Variants in ZFYVE26 observed in about 807,000 individuals in gnomAD.
The protein encoded by ZFYVE26 is zinc finger FYVE-type containing 26, also known as zinc finger FYVE domain-containing protein 26.
ZFYVE26 carries 181 observed loss-of-function variants against 276.5 expected under a neutral mutation model. The observed-to-expected ratio is 0.65, with a 90% CI of 0.58 to 0.74. ZFYVE26 has a LOEUF of 0.74. Among genes scored for constraint, ZFYVE26 ranks in the 30% least tolerant of loss-of-function variants. The pLI is 0.00. For synonymous variants in ZFYVE26, 1,129 were observed against 1,203.1 expected, an observed-to-expected ratio of 0.94 and a Z score of 1.27; for missense variants, 2,821 against 3,097.9, an observed-to-expected ratio of 0.91 and a Z score of 2.12.
intron 35 of ZFYVE26, among the ~76,000 whole-genome samples, chr14:67,758,542 G>A (rs2038846949): frequency 2.0e-5 from 3 of 152,184 alleles, no homozygotes; most frequent in Admixed American, 2.0e-4. Flanking sequence ...CAGTACCAGG[G>A]GCAATGGTGG....
At position 67,777,637 on chromosome 14, in the gene ZFYVE26, G is replaced by A. The variant is rs1289646974; in HGVS notation, c.4896C>T (p.Asn1632=). ...TSLATSHFLA[N]YLTTHFYGQL... ...GTCCATAGAAGTGGGTGGTGAGGTA[G>A]TTGGCCAAGAAGTGAGAAGTGGCCA... The change falls in exon 25 of 42, where the codon AAC becomes AAT. Residue 1632 remains asparagine (N), a synonymous_variant. Coordinates refer to ENST00000347230, the MANE Select transcript of ZFYVE26 (RefSeq NM_015346.4). 2 of 1,614,192 alleles carry A rather than the reference G, an allele frequency of 1.2e-6. No homozygotes were observed. The highest frequency in any genetic ancestry group is 4.5e-5 in the East Asian group (2 of 44,888).
In ZFYVE26 at chr14:67,768,537, T is replaced by C. The variant is rs2039119549; in HGVS notation, c.5633A>G (p.Glu1878Gly). Residue 1878 changes from glutamate (E) to glycine (G), a missense_variant, in exon 30 of 42, where the codon GAG (glutamate) becomes GGG (glycine). Coordinates refer to ENST00000347230, the MANE Select transcript of ZFYVE26 (RefSeq NM_015346.4). ...YSYCNKDVPEEPSEKPEALDS... is the reference protein window; with the variant it reads ...YSYCNKDVPEGPSEKPEALDS... ...CTTACCTTCTGGTTTTTCTGAAGGC[T>C]CCTCTGGTACACTGAAAACAGAGAA... 1 of 1,614,062 alleles carries C rather than the reference T, an allele frequency of 6.2e-7. No homozygotes were observed. The highest frequency in any genetic ancestry group is 1.3e-5 in the African/African-American group (1 of 74,940).
Position 67,805,658 on chromosome 14 carries a change from T to A in ZFYVE26, c.1018-40A>T, listed in dbSNP as rs758476482. The A allele has an allele frequency of 2.5e-6, 4 of 1,602,750 alleles. No individual in the cohort carries two copies. The Admixed American group carries it at 5.0e-5, about 20-fold the overall frequency. ...AAGCTGTTATAGGCAGCTATGTGGA[T>A]GAGACAGAATGGGTTCTAGCTTACT... On this transcript the variant is annotated intron_variant, in intron 6 of 41. Coordinates refer to ENST00000347230, the MANE Select transcript of ZFYVE26 (RefSeq NM_015346.4).
intron 34 of ZFYVE26, chr14:67,761,985 TTG>T (rs1476226782): frequency 3.4e-6 from 2 of 595,274 alleles, no homozygotes; most frequent in African/African-American, 3.7e-5. Context: ...TTTTTAAAAA[TTG>T]TCTCCTTTTT....
downstream of ZFYVE26, among the ~76,000 whole-genome samples, chr14:67,741,547 A>G (rs1594873403): frequency 2.0e-5 from 3 of 152,340 alleles, no homozygotes; most frequent in South Asian, 6.2e-4. Flanking sequence ...GGCCCTAACT[A>G]GCATCTACCA....
At chr14:67,803,523 G>T (rs561352413) in intron 9 of ZFYVE26, among the ~76,000 whole-genome samples, 175 of 151,296 alleles carry the variant, frequency 1.2e-3, no homozygotes, top group Non-Finnish European at 2.2e-3. Context: ...TTATATTTTT[G>T]GTAGAGACGG....
intron 12 of ZFYVE26, among the ~76,000 whole-genome samples, chr14:67,794,805 G>A (rs1196812051): frequency 5.9e-5 from 9 of 152,052 alleles, no homozygotes; most frequent in Admixed American, 5.9e-4. Flanking sequence ...CAAATTAGTT[G>A]GGCAAGGTGG....
intron 41 of ZFYVE26, among the ~76,000 whole-genome samples, chr14:67,749,388 A>G (rs919520240): frequency 6.6e-6 from 1 of 152,104 alleles, no homozygotes; most frequent in African/African-American, 2.4e-5. Context: ...GGATATGCGT[A>G]TGTGTCTATG....
intron 13 of ZFYVE26, among the ~76,000 whole-genome samples, chr14:67,731,211 T>C (rs57782998): frequency 2.3e-4 from 31 of 133,516 alleles, no homozygotes; most frequent in East Asian, 8.5e-4. Context: ...TTCTTTCTTT[T>C]TTTTTTTTTT....
chr14:67,799,335 G>C, intron 10 of ZFYVE26: 1 of 1,612,024 alleles, frequency 6.2e-7, no homozygotes, highest in Non-Finnish European at 8.5e-7. Context: ...ATTGACGCCA[G>C]AGCGGTGCAA....
intron 13 of ZFYVE26, among the ~76,000 whole-genome samples, chr14:67,731,484 G>A (rs2038274762): frequency 6.6e-6 from 1 of 151,674 alleles, no homozygotes; most frequent in African/African-American, 2.4e-5. Context: ...CAAAGTGCTG[G>A]GATTGCAGGC....
rs2039014719 is a variant in ZFYVE26, at chr14:67,764,731, G to A, written c.6011+1496C>T. ...GTCTGAATGCAGGATCAGAGAAAAG[G>A]CTGTTTAAATAGAAACCATTGCTGT... On this transcript the variant is annotated intron_variant, in intron 32 of 41. Transcript: ENST00000347230. 2.0e-5 allele frequency among the ~76,000 whole-genome samples: 3 copies of A among 152,282 alleles called. No individual in the cohort carries two copies. In the South Asian group the frequency reaches 6.2e-4, roughly 32 times the overall value.
chr14:67,755,990 C>T lies in ZFYVE26; in HGVS notation c.6744G>A (p.Lys2248=), dbSNP rs2038769240. 3.1e-6 allele frequency: 5 copies of T among 1,614,194 alleles called. No individual in the cohort carries two copies. The highest frequency in any genetic ancestry group is 1.3e-5 in the African/African-American group (1 of 75,044). ...GCTCATACAGAATGTGGTAGTAGTT[C>T]TTCTTCTGTAAATGTTGGCAGGCAG... ...LIAACQHLQK[K]NYYHILYELQ... The change falls in exon 36 of 42, where the codon AAG becomes AAA. Residue 2248 remains lysine, a synonymous_variant. Coordinates refer to ENST00000347230, the MANE Select transcript of ZFYVE26 (RefSeq NM_015346.4).
Position 67,781,622 on chromosome 14 carries a change from T to A in ZFYVE26, c.4373-93A>T, listed in dbSNP as rs2039503049. 6 of 1,215,246 alleles carry A rather than the reference T, an allele frequency of 4.9e-6. No homozygotes were observed. The Admixed American group carries it at 9.1e-5, about 18-fold the overall frequency. The allele number at this position is 1,215,246 out of a possible 1,614,324, so 75.3% of individuals were successfully genotyped here. A position where few individuals can be genotyped will look rare whatever the true frequency, so the allele number is the denominator to read the frequency against. On this transcript the variant is annotated intron_variant, in intron 21 of 41. Transcript: ENST00000347230. ...CTTCTTGAGAAAGGGCTTTCTTCAA[T>A]CTCGTAAAAGAGGAGCTTGGAGGAT...
chr14:67,778,339 A>AT, intron 23 of ZFYVE26, 91 bp from the exon 24 acceptor site: 1 of 1,533,752 alleles, frequency 6.5e-7, no homozygotes, highest in South Asian at 1.1e-5. Context: ...AGGAATGTTT[A>AT]TAAGTGCTGA....
intron 13 of ZFYVE26, among the ~76,000 whole-genome samples, chr14:67,732,536 CAA>C (rs11408156): frequency 6.1e-5 from 8 of 130,100 alleles, no homozygotes; most frequent in Admixed American, 7.8e-5. Context: ...CCAAACAAAG[CAA>C]AAAAAAAAAA....
In ZFYVE26 at chr14:67,802,268, G is replaced by A. The variant is rs749761873; in HGVS notation, c.1450C>T (p.Pro484Ser). The A allele has an allele frequency of 6.2e-6, 10 of 1,614,046 alleles. No individual in the cohort carries two copies. Among genetic ancestry groups the A allele is most frequent in the Non-Finnish European group, 8.5e-6 (10 of 1,180,034 alleles). ...CACTGGCTCAGGTGCTCAGGGACTGGAGCATCAACTGCATCTGAATTACAA... is the reference window on the plus strand; with the variant it reads ...CACTGGCTCAGGTGCTCAGGGACTGAAGCATCAACTGCATCTGAATTACAA... ...PQQEPDAVDAPVPEHLSQCQN... is the reference protein window; with the variant it reads ...PQQEPDAVDASVPEHLSQCQN... Residue 484 changes from proline to serine, a missense_variant, in exon 10 of 42, where the codon CCA becomes TCA. Physicochemically the swap from Pro to Ser is moderately conservative, Grantham distance 74. Coordinates refer to ENST00000347230, the MANE Select transcript of ZFYVE26 (RefSeq NM_015346.4).
intron 28 of ZFYVE26, chr14:67,770,465 A>AAAC (rs2039180294): frequency 6.7e-6 from 1 of 148,736 alleles, no homozygotes; most frequent in Admixed American, 6.6e-5. Flanking sequence ...CTCTGTCTCA[A>AAAC]AAAAAAAAAA....
chr14:67,784,811 G>C (rs1050424289), intron 19 of ZFYVE26, among the ~76,000 whole-genome samples: 6 of 152,160 alleles, frequency 3.9e-5, no homozygotes, highest in Admixed American at 3.9e-4. Context: ...TGGACCACAG[G>C]TCTGACAGAG....
Sources: gnomAD v4.1 joint callset for allele counts (sites outside exome capture counted in the v4.1 genomes callset) on GRCh38, gnomAD v4.1.1 for gene constraint, MANE v1.5 for transcripts, NCBI Gene and HGNC (gene_info 2026-07-23, HGNC 2026-07-21) for gene names.